Variants in LPIN1 observed in about 807,000 individuals in gnomAD.
LPIN1 encodes lipin 1.
A neutral mutation model predicts 107.5 loss-of-function variants in LPIN1; 71 were observed. The ratio of observed to expected loss-of-function variants is 0.66; its 90% CI spans 0.55 to 0.80. The LOEUF (loss-of-function observed/expected upper bound fraction) is 0.80, where lower values mean the gene tolerates loss of function less well. Among genes scored for constraint, LPIN1 ranks in the 30% least tolerant of loss-of-function variants. The pLI, the probability that LPIN1 is intolerant of heterozygous loss-of-function variation, is 0.00. For missense variants in LPIN1, 1,043 were observed against 1,160.6 expected (o/e 0.90, Z 1.47); for synonymous variants, 445 against 452.6 (o/e 0.98, Z 0.21).
intron 1 of LPIN1, among the ~76,000 whole-genome samples, chr2:11,706,686 T>C: frequency 6.6e-6 from 1 of 152,220 alleles, no homozygotes. Context: ...CCAATTCCCT[T>C]GAGTATGAAT....
At position 11,804,985 on chromosome 2, in the gene LPIN1, T is replaced by G. The variant is rs1340027525; in HGVS notation, c.2163-85T>G. 4.2e-4 allele frequency: 313 copies of G among 737,952 alleles called. 1 individual carries two copies. In the African/African-American group the frequency reaches 4.5e-3, roughly 11 times the overall value. 45.7% of individuals were successfully genotyped at this position (737,952 alleles called of 1,614,324 possible). A position where few individuals can be genotyped will look rare whatever the true frequency, so the allele number is the denominator to read the frequency against. On this transcript the variant is annotated intron_variant, in intron 16 of 20. Coordinates refer to ENST00000674199, the MANE Select transcript of LPIN1 (RefSeq NM_001349206.2). ...GAAAGTTGTGGGTCTTGTTTGTGTT[T>G]TTTTTTTTTTTTTATGAGGCATGAA...
chr2:11,760,646 G>A (rs993106599), intron 1 of LPIN1, among the ~76,000 whole-genome samples: 2 of 152,154 alleles, frequency 1.3e-5, no homozygotes, highest in African/African-American at 2.4e-5. Context: ...GTCCAGCTTC[G>A]GCTCGGCATC....
intron 4 of LPIN1, among the ~76,000 whole-genome samples, chr2:11,772,842 C>G (rs1672078103): frequency 6.6e-6 from 1 of 152,130 alleles, no homozygotes; most frequent in Admixed American, 6.5e-5. Flanking sequence ...GAGTATCTTC[C>G]TGTGTCATTA....
chr2:11,702,902 A>T (rs966829398), intron 1 of LPIN1, among the ~76,000 whole-genome samples: 1 of 138,778 alleles, frequency 7.2e-6, no homozygotes, highest in Middle Eastern at 3.6e-3. Flanking sequence ...GAGTCTCGCC[A>T]TAGACTTGAA....
intron 1 of LPIN1, among the ~76,000 whole-genome samples, chr2:11,748,505 TA>T (rs967614247): frequency 1.3e-5 from 2 of 152,102 alleles, no homozygotes; most frequent in African/African-American, 4.8e-5. Context: ...TTAATTGAGA[TA>T]AAAAAGAGCC....
At chr2:11,824,509 A>G in intron 20 of LPIN1, 123 bp from the exon 21 acceptor site, 2 of 853,300 alleles carry the variant, frequency 2.3e-6, no homozygotes, top group South Asian at 2.8e-5. Flanking sequence ...GAATGACTTG[A>G]GTCGTGTCGA....
chr2:11,740,021 G>A (rs1439551723), intron 1 of LPIN1, among the ~76,000 whole-genome samples: 2 of 152,174 alleles, frequency 1.3e-5, no homozygotes, highest in Non-Finnish European at 1.5e-5. Flanking sequence ...CTGTCTACAA[G>A]CTAGAGAACC....
In LPIN1 at chr2:11,784,977, G is replaced by C; in HGVS notation, c.1450G>C (p.Asp484His). Residue 484 changes from aspartate to histidine, a missense_variant, in exon 10 of 21, where the codon GAC (aspartate) becomes CAC (histidine). Asp to His is a moderately conservative substitution (Grantham distance 81, BLOSUM62 -1). Coordinates refer to ENST00000674199, the MANE Select transcript of LPIN1 (RefSeq NM_001349206.2). ...SPQSVGSSGV[D>H]SGVESTSDGL... is the part of the protein sequence containing the mutation. ...GCAGTCGGTGGGCAGCTCGGGCGTG[G>C]ACAGTGGCGTGGAGAGCACCTCGGA... is the stretch of plus-strand genomic sequence containing the variant. The C allele has an allele frequency of 6.2e-7, 1 of 1,613,846 alleles. No individual in the cohort carries two copies. The highest frequency in any genetic ancestry group is 8.5e-7 in the Non-Finnish European group (1 of 1,179,994).
At chr2:11,764,595 G>C (rs1048487879) in intron 1 of LPIN1, among the ~76,000 whole-genome samples, 18 of 152,246 alleles carry the variant, frequency 1.2e-4, no homozygotes, top group Admixed American at 2.0e-4. Context: ...TTGACAGCTG[G>C]CCAGCAGCCC....
intron 1 of LPIN1, among the ~76,000 whole-genome samples, chr2:11,689,236 A>G (rs1662154015): frequency 6.6e-6 from 1 of 152,192 alleles, no homozygotes. Context: ...CAGTTTACAC[A>G]TGGAGGAGCT....
intron 19 of LPIN1, 28 bp from the exon 20 acceptor site, chr2:11,820,383 C>A: frequency 7.1e-7 from 1 of 1,412,786 alleles, no homozygotes; most frequent in Non-Finnish European, 1.0e-6. Flanking sequence ...TTCTAATGAA[C>A]ACTTTAAATC....
At chr2:11,776,033 AT>A in intron 5 of LPIN1, 52 bp from the exon 6 acceptor site, 1 of 915,580 alleles carries the variant, frequency 1.1e-6, no homozygotes, top group Non-Finnish European at 1.7e-6. Context: ...ACTTGATGTA[AT>A]TGACCTCTGA....
chr2:11,789,709 T>C (rs567877869), intron 12 of LPIN1, among the ~76,000 whole-genome samples: 12 of 152,126 alleles, frequency 7.9e-5, no homozygotes, highest in Non-Finnish European at 1.2e-4. Flanking sequence ...TGCCATGGTA[T>C]CCATGGCCTG....
chr2:11,820,736 G>T (rs888585539), intron 20 of LPIN1, among the ~76,000 whole-genome samples: 2 of 152,148 alleles, frequency 1.3e-5, no homozygotes, highest in Non-Finnish European at 2.9e-5. Flanking sequence ...ATTTAAACTC[G>T]TGGTTAGAGT....
At chr2:11,726,617 T>A (rs568349463) in intron 1 of LPIN1, among the ~76,000 whole-genome samples, 43 of 151,304 alleles carry the variant, frequency 2.8e-4, no homozygotes, top group African/African-American at 8.2e-4. Flanking sequence ...CCTCCCAAAC[T>A]CCTCGAGCCT....
chr2:11,693,815 T>TAC (rs1558723780), intron 1 of LPIN1, among the ~76,000 whole-genome samples: 1 of 36,044 alleles, frequency 2.8e-5, no homozygotes, highest in African/African-American at 7.3e-5. Context: ...TATATATATA[T>TAC]ATATATATTT....
chr2:11,807,496 G>A (rs988682022), intron 17 of LPIN1, among the ~76,000 whole-genome samples: 13 of 151,648 alleles, frequency 8.6e-5, no homozygotes, highest in Non-Finnish European at 1.5e-4. Context: ...CATTAAACAA[G>A]CCCTGTTGCT....
chr2:11,787,256 A>T (rs1417899714), intron 11 of LPIN1, 89 bp downstream of exon 11: 5 of 901,474 alleles, frequency 5.5e-6, no homozygotes, highest in Non-Finnish European at 9.2e-6. Flanking sequence ...AAGCCTTAGA[A>T]ATATATAAAA....
In LPIN1 at chr2:11,803,542, C is replaced by T. The variant is rs910716811; in HGVS notation, c.2013+509C>T. Among the ~76,000 whole-genome samples, 4 of 152,152 alleles carry T rather than the reference C, an allele frequency of 2.6e-5. No individual in the cohort carries two copies. Among genetic ancestry groups the T allele is most frequent in the South Asian group, 2.1e-4 (1 of 4,826 alleles). ...TAATTAAAAGCCCTTTCTTGGATCC[C>T]GTTGGTCATGGCCAGTGAGCACCTG... On this transcript the variant is annotated intron_variant, in intron 15 of 20. Transcript: ENST00000674199. This position sits in a 1 kb window ranked among gnomAD's most constrained non-coding sequence, Gnocchi z 4.2.
Sources: gnomAD v4.1 joint callset for allele counts (sites outside exome capture counted in the v4.1 genomes callset) on GRCh38, gnomAD v4.1.1 for gene constraint, Gnocchi (gnomAD v3.1) non-coding constraint, MANE v1.5 for transcripts, NCBI Gene and HGNC (gene_info 2026-07-23, HGNC 2026-07-21) for gene names.